Variants in ATR observed in about 807,000 individuals in gnomAD.
ATR encodes the protein serine/threonine-protein kinase ATR.
In ATR, 142 loss-of-function variants were observed where a neutral mutation model predicts 305.3. That is an observed-to-expected ratio of 0.47 (90% confidence interval 0.41 to 0.53). ATR has a LOEUF of 0.53. Ranked by LOEUF, ATR falls within the 20% of genes least tolerant of loss-of-function variation. The pLI, the probability that ATR is intolerant of heterozygous loss-of-function variation, is 0.00. For synonymous variants in ATR, 1,050 were observed against 1,068.1 expected, an observed-to-expected ratio of 0.98 and a Z score of 0.33; for missense variants, 2,135 against 3,133.1, an observed-to-expected ratio of 0.68 and a Z score of 7.60.
intron 16 of ATR, among the ~76,000 whole-genome samples, chr3:142,544,476 A>AAAAAAAAAAAAAAAAAAAAAAC (rs2034189879): frequency 6.7e-6 from 1 of 149,508 alleles, no homozygotes; most frequent in Non-Finnish European, 1.5e-5. Context: ...AAAAAAAAAA[A>AAAAAAAAAAAAAAAAAAAAAAC]AAAAGATACC....
At chr3:142,519,400 C>G (rs2033046474) in intron 24 of ATR, among the ~76,000 whole-genome samples, 1 of 151,664 alleles carries the variant, frequency 6.6e-6, no homozygotes, top group African/African-American at 2.4e-5. Context: ...CTCCTGGGTT[C>G]AAGTGATTCT....
At position 142,493,176 on chromosome 3, in the gene ATR, C is replaced by G; in HGVS notation, c.6034G>C (p.Glu2012Gln). 6.2e-7 allele frequency: 1 copy of G among 1,613,316 alleles called. No individual in the cohort carries two copies. Among genetic ancestry groups the G allele is most frequent in the Non-Finnish European group, 8.5e-7 (1 of 1,179,556 alleles). The part of the protein sequence containing the change: ...AMLLVGRFME[E>Q]TANFESNAIM... The stretch of plus-strand genomic sequence containing the variant: ...GCATTGCTTTCAAAGTTAGCTGTTT[C>G]TTCCATAAATCGGCCCACTAGTAGC... Residue 2012 changes from glutamate (E) to glutamine (Q), a missense_variant, in exon 35 of 47, where the codon GAA (glutamate) becomes CAA (glutamine). Around this residue, in one of 9 missense-constraint regions of ATR, gnomAD observed 462 missense variants for 887.6 expected, o/e 0.52. Transcript: ENST00000350721.
intron 35 of ATR, 77 bp downstream of exon 35, chr3:142,493,055 T>G: frequency 6.7e-7 from 1 of 1,498,084 alleles, no homozygotes; most frequent in Non-Finnish European, 9.1e-7. Flanking sequence ...TTTTTATACA[T>G]GTGCTTTGCC....
At chr3:142,473,857 G>T (rs1399926605) in intron 36 of ATR, among the ~76,000 whole-genome samples, 1 of 151,234 alleles carries the variant, frequency 6.6e-6, no homozygotes, top group Non-Finnish European at 1.5e-5. Context: ...TCTTGCTCAA[G>T]ATTTCTTTGG....
chr3:142,567,193 G>A (rs563821534), intron 2 of ATR, among the ~76,000 whole-genome samples: 1 of 152,236 alleles, frequency 6.6e-6, no homozygotes, highest in Admixed American at 6.5e-5. Flanking sequence ...ATCCAGTGGG[G>A]CGCCAAACAA....
chr3:142,529,793 A>G (rs2108411968), intron 21 of ATR, among the ~76,000 whole-genome samples: 1 of 152,198 alleles, frequency 6.6e-6, no homozygotes, highest in Non-Finnish European at 1.5e-5. Flanking sequence ...TCTGATACCA[A>G]TCTACTTTTT....
chr3:142,467,603 T>C (rs1309079363), intron 39 of ATR, among the ~76,000 whole-genome samples: 2 of 152,122 alleles, frequency 1.3e-5, no homozygotes, highest in Non-Finnish European at 2.9e-5. Flanking sequence ...ATAAGTAACT[T>C]AGAATATTTT....
chr3:142,502,302 C>A (rs147497615), intron 30 of ATR, among the ~76,000 whole-genome samples: 5,983 of 152,176 alleles, frequency 0.039, 391 homozygotes, highest in African/African-American at 0.14. Flanking sequence ...ATAGCAAAGA[C>A]ATGAAATCAA....
intron 4 of ATR, 101 bp from the exon 5 acceptor site, chr3:142,561,522 G>C (rs2034878517): frequency 4.0e-6 from 5 of 1,264,952 alleles, no homozygotes; most frequent in East Asian, 2.5e-5. Context: ...GTTTTCTAGT[G>C]AAACTACTTT....
rs1167838100 is a variant in ATR, at chr3:142,562,351, G to T, written c.1051C>A (p.Gln351Lys). 6.2e-7 allele frequency: 1 copy of T among 1,614,082 alleles called. No homozygotes were observed. Among genetic ancestry groups the T allele is most frequent in the South Asian group, 1.1e-5 (1 of 91,078 alleles). ...LLKAALCHLL[Q>K]YFLKFVPAGY... ...GCTGGCACAAATTTAAGGAAATACT[G>T]CAGTAAATGGCACAAAGCTGCTTTT... is the stretch of plus-strand genomic sequence containing the variant. The change falls in exon 4 of 47, where the codon CAG becomes AAG. Residue 351 changes from glutamine to lysine, a missense_variant. By Grantham distance (53) the Gln-to-Lys change is moderately conservative. This residue lies in a region of ATR where 744 missense variants were observed against 873.2 expected (regional missense o/e 0.85). Coordinates refer to ENST00000350721, the MANE Select transcript of ATR (RefSeq NM_001184.4).
chr3:142,479,079 C>G (rs933255418), intron 36 of ATR, among the ~76,000 whole-genome samples: 1 of 152,048 alleles, frequency 6.6e-6, no homozygotes, highest in Admixed American at 6.6e-5. Flanking sequence ...AGCATTTAGC[C>G]CATTTACATT....
intron 24 of ATR, among the ~76,000 whole-genome samples, chr3:142,515,915 G>A (rs2032841795): frequency 6.6e-6 from 1 of 152,108 alleles, no homozygotes; most frequent in South Asian, 2.1e-4. Flanking sequence ...TTATCATCCT[G>A]GGTGACTTCA....
At chr3:142,479,846 A>G (rs1052213774) in intron 36 of ATR, among the ~76,000 whole-genome samples, 1 of 152,088 alleles carries the variant, frequency 6.6e-6, no homozygotes, top group Non-Finnish European at 1.5e-5. Flanking sequence ...TTGATCTTCA[A>G]TCACTGATAC....
intron 1 of ATR, among the ~76,000 whole-genome samples, chr3:142,570,685 G>A (rs2035231201): frequency 6.6e-6 from 1 of 152,108 alleles, no homozygotes; most frequent in Non-Finnish European, 1.5e-5. Flanking sequence ...ACCATGCCCG[G>A]CCCCCTCTAT....
intron 36 of ATR, among the ~76,000 whole-genome samples, chr3:142,478,719 G>A (rs533204390): frequency 2.6e-5 from 4 of 152,270 alleles, no homozygotes; most frequent in South Asian, 2.1e-4. Context: ...TATTGTGTGC[G>A]AGTCTAAGTC....
intron 45 of ATR, among the ~76,000 whole-genome samples, chr3:142,456,599 C>A (rs944974395): frequency 6.6e-6 from 1 of 151,682 alleles, no homozygotes; most frequent in Non-Finnish European, 1.5e-5. Flanking sequence ...AATAAAAAAA[C>A]CCAATTTAAA....
At position 142,548,001 on chromosome 3, in the gene ATR, A is replaced by T. The variant is rs906909128; in HGVS notation, c.3172-91T>A. 3.6e-6 allele frequency: 4 copies of T among 1,112,194 alleles called. No individual in the cohort carries two copies. In the African/African-American group the frequency reaches 6.2e-5, roughly 17 times the overall value. The allele number at this position is 1,112,194 out of a possible 1,614,324, so 68.9% of individuals were successfully genotyped here. On this transcript the variant is annotated intron_variant, in intron 15 of 46. Transcript: ENST00000350721. ...GATTTTAACATGCTATTAGTACATC[A>T]GGAGCTCTAGCCCAGATGACAGGAT...
chr3:142,543,374 C>T (rs1241594747), intron 16 of ATR, among the ~76,000 whole-genome samples: 1 of 149,996 alleles, frequency 6.7e-6, no homozygotes, highest in African/African-American at 2.4e-5. Context: ...CTCCGTCCCT[C>T]TTTTCCTCCC....
At chr3:142,507,074 A>G (rs747025816) in intron 28 of ATR, among the ~76,000 whole-genome samples, 7 of 152,216 alleles carry the variant, frequency 4.6e-5, no homozygotes, top group Non-Finnish European at 8.8e-5. Flanking sequence ...ACCATGAACC[A>G]TAGACTTAAA....
Sources: gnomAD v4.1 joint callset for allele counts (sites outside exome capture counted in the v4.1 genomes callset) on GRCh38, gnomAD v4.1.1 for gene constraint, gnomAD v4.1.1 regional missense constraint, MANE v1.5 for transcripts, NCBI Gene and HGNC (gene_info 2026-07-23, HGNC 2026-07-21) for gene names.